DNAAF9: variants seen among roughly 807,000 people sequenced by gnomAD.
The protein encoded by DNAAF9 is dynein axonemal assembly factor 9.
In DNAAF9, 90 loss-of-function variants were observed where a neutral mutation model predicts 167.0. That is an observed-to-expected ratio of 0.54 (90% CI 0.45 to 0.64). The LOEUF (loss-of-function observed/expected upper bound fraction) is 0.64. DNAAF9 is among the 30% of genes least tolerant of loss of function. The pLI is 0.00. For synonymous variants in DNAAF9, 491 were observed against 508.8 expected (o/e 0.96, Z 0.47); for missense variants, 1,315 against 1,442.2 (o/e 0.91, Z 1.43).
chr20:3,289,339 G>A (rs1600713384), intron 26 of DNAAF9, among the ~76,000 whole-genome samples: 2 of 152,242 alleles, frequency 1.3e-5, no homozygotes, highest in Admixed American at 1.3e-4. Context: ...GCCTACTTGG[G>A]AGGGTCAGGT....
At position 3,252,517 on chromosome 20, in the gene DNAAF9, C is replaced by T. The variant is rs898280731; in HGVS notation, c.*55G>A. The stretch of plus-strand genomic sequence containing the variant: ...CCAGCAGAGCTGAGGTTAAGACACC[C>T]GTTCGTCCATCTCCAAGGTGGACAT... On this transcript the variant is annotated 3_prime_UTR_variant, in exon 37 of 37. Coordinates refer to ENST00000252032, the MANE Select transcript of DNAAF9 (RefSeq NM_001009984.3). The T allele has an allele frequency of 5.1e-5, 49 of 951,606 alleles. No individual in the cohort carries two copies. In the Middle Eastern group the frequency reaches 2.0e-3, roughly 39 times the overall value. The allele number at this position is 951,606 out of a possible 1,614,324, so 58.9% of individuals were successfully genotyped here.
chr20:3,342,453 G>C (rs554634686), intron 9 of DNAAF9, among the ~76,000 whole-genome samples: 1 of 152,182 alleles, frequency 6.6e-6, no homozygotes, highest in African/African-American at 2.4e-5. Flanking sequence ...AATCATATTT[G>C]CTTCCTTTTT....
intron 1 of DNAAF9, among the ~76,000 whole-genome samples, chr20:3,383,884 C>T (rs770671392): frequency 7.9e-5 from 12 of 151,858 alleles, no homozygotes; most frequent in South Asian, 4.2e-4. Context: ...CTGTAACCTC[C>T]GCCTCCTGGG....
intron 11 of DNAAF9, among the ~76,000 whole-genome samples, chr20:3,331,345 A>C (rs1282949609): frequency 6.6e-6 from 1 of 152,102 alleles, no homozygotes; most frequent in African/African-American, 2.4e-5. Context: ...TACCTGACCC[A>C]AGTTATGCTT....
chr20:3,366,370 AT>A (rs959314444), intron 6 of DNAAF9, among the ~76,000 whole-genome samples: 16 of 150,844 alleles, frequency 1.1e-4, no homozygotes, highest in African/African-American at 3.9e-4. Context: ...CTTGAAAGGA[AT>A]TTTTTTTTTC....
chr20:3,393,366 G>A (rs1228719325), intron 1 of DNAAF9, among the ~76,000 whole-genome samples: 2 of 151,718 alleles, frequency 1.3e-5, no homozygotes, highest in South Asian at 2.1e-4. Context: ...TTAGTTAGGC[G>A]TGGTGGTTAC....
At chr20:3,358,519 G>A (rs1197696168) in intron 7 of DNAAF9, among the ~76,000 whole-genome samples, 1 of 152,040 alleles carries the variant, frequency 6.6e-6, no homozygotes, top group African/African-American at 2.4e-5. Flanking sequence ...CCTGACCTCA[G>A]GTGATCCACC....
rs146715168 is a variant in DNAAF9, at chr20:3,330,930, T to C, written c.1064-248A>G. ...CCTCAGCCTCCTGAGTAGCTGGGAT[T>C]ACAGGTGCACGCCACCATGCCCCGC... On this transcript the variant is annotated intron_variant, in intron 11 of 36. Coordinates refer to ENST00000252032, the MANE Select transcript of DNAAF9 (RefSeq NM_001009984.3). Among the ~76,000 whole-genome samples the C allele has an allele frequency of 2.8e-3, 427 of 152,080 alleles. 2 individuals are homozygous for C. Among genetic ancestry groups the C allele is most frequent in the African/African-American group, 9.7e-3 (404 of 41,472 alleles).
chr20:3,296,264 G>C, intron 23 of DNAAF9: 1 of 420,656 alleles, frequency 2.4e-6, no homozygotes, highest in Non-Finnish European at 4.7e-6. Context: ...GTAAGACACT[G>C]GGCGCCCCCC....
At position 3,358,173 on chromosome 20, in the gene DNAAF9, G is replaced by A. The variant is rs530692701; in HGVS notation, c.690+1343C>T. Among the ~76,000 whole-genome samples the A allele has an allele frequency of 1.8e-4, 28 of 151,930 alleles. 1 individual carries two copies. Among genetic ancestry groups the A allele is most frequent in the African/African-American group, 6.3e-4 (26 of 41,444 alleles). On this transcript the variant is annotated intron_variant, in intron 7 of 36. Coordinates refer to ENST00000252032, the MANE Select transcript of DNAAF9 (RefSeq NM_001009984.3). ...ACTTTATCTGTACCTGGATGCCAAC[G>A]CATTTTATTGTTTTCTGGGGGGATT...
At chr20:3,283,047 G>A (rs1449894823) in intron 27 of DNAAF9, among the ~76,000 whole-genome samples, 1 of 152,212 alleles carries the variant, frequency 6.6e-6, no homozygotes, top group Non-Finnish European at 1.5e-5. Context: ...GCTGCCTAAA[G>A]CAGGGTAGGT....
Position 3,316,811 on chromosome 20 carries a change from A to T in DNAAF9, c.1469-18T>A. 6.3e-7 allele frequency: 1 copy of T among 1,598,824 alleles called. No homozygotes were observed. The highest frequency in any genetic ancestry group is 8.6e-7 in the Non-Finnish European group (1 of 1,168,404). The stretch of plus-strand genomic sequence containing the variant: ...AGTGCCATCTGCAGGAACACCACAC[A>T]CATGCCAGTTAATTCCCTACCAGCT... On this transcript the variant is annotated intron_variant, in intron 17 of 36. Coordinates refer to ENST00000252032, the MANE Select transcript of DNAAF9 (RefSeq NM_001009984.3).
At position 3,308,412 on chromosome 20, in the gene DNAAF9, T is replaced by A. The variant is rs6133028; in HGVS notation, c.1679-3869A>T. ...GGCTGGAGTGCAGTGGTGCCATCTC[T>A]GCTCACTGCAATCTCCGCCTCCCAG... On this transcript the variant is annotated intron_variant, in intron 20 of 36. Coordinates refer to ENST00000252032, the MANE Select transcript of DNAAF9 (RefSeq NM_001009984.3). Among the ~76,000 whole-genome samples the A allele has an allele frequency of 5.1e-4, 76 of 149,056 alleles. 2 individuals carry two copies. The East Asian group carries it at 0.014, about 27-fold the overall frequency.
Position 3,306,511 on chromosome 20 carries a change from T to C in DNAAF9, c.1679-1968A>G, listed in dbSNP as rs183051321. 1.2e-4 allele frequency among the ~76,000 whole-genome samples: 18 copies of C among 152,328 alleles called. 1 individual carries two copies. Among genetic ancestry groups the C allele is most frequent in the Admixed American group, 2.6e-4 (4 of 15,296 alleles). ...TTCACAATTGTAACAGGTGGTATTATTTTTTCTCATAGGACAGATGAGAAA... is the reference window on the plus strand; with the variant it reads ...TTCACAATTGTAACAGGTGGTATTACTTTTTCTCATAGGACAGATGAGAAA... On this transcript the variant is annotated intron_variant, in intron 20 of 36. Coordinates refer to ENST00000252032, the MANE Select transcript of DNAAF9 (RefSeq NM_001009984.3).
At chr20:3,300,678 A>AAATAATAATAAT (rs34199778) in intron 21 of DNAAF9, among the ~76,000 whole-genome samples, 4 of 134,084 alleles carry the variant, frequency 3.0e-5, no homozygotes, top group Admixed American at 7.8e-5. Context: ...GACTCCATCT[A>AAATAATAATAAT]AATAATAATA....
intron 22 of DNAAF9, 87 bp downstream of exon 22, chr20:3,297,942 G>T: frequency 9.5e-7 from 1 of 1,054,994 alleles, no homozygotes; most frequent in Non-Finnish European, 1.5e-6. Flanking sequence ...TCACTTCACT[G>T]TTAGCCCCAA....
Position 3,304,430 on chromosome 20 carries a change from A to G in DNAAF9, c.1782+10T>C, listed in dbSNP as rs2069251309. 2.4e-6 allele frequency: 3 copies of G among 1,275,200 alleles called. No individual in the cohort carries two copies. Among genetic ancestry groups the G allele is most frequent in the Non-Finnish European group, 2.3e-6 (2 of 872,270 alleles). The allele number at this position is 1,275,200 out of a possible 1,614,324, so 79.0% of individuals were successfully genotyped here. The stretch of plus-strand genomic sequence containing the variant: ...CGACCAAAAAAGCCACTGACTAGTA[A>G]AACACCTACCCCATCATAGAAGGAA... On this transcript the variant is annotated intron_variant, in intron 21 of 36. Coordinates refer to ENST00000252032, the MANE Select transcript of DNAAF9 (RefSeq NM_001009984.3).
intron 7 of DNAAF9, among the ~76,000 whole-genome samples, chr20:3,351,568 C>T (rs2070325347): frequency 6.6e-6 from 1 of 151,720 alleles, no homozygotes; most frequent in African/African-American, 2.4e-5. Flanking sequence ...GGCAGGGGGA[C>T]AAAGAGATAG....
intron 6 of DNAAF9, among the ~76,000 whole-genome samples, chr20:3,371,529 G>C (rs1330478153): frequency 1.3e-5 from 2 of 151,720 alleles, no homozygotes; most frequent in Non-Finnish European, 2.9e-5. Flanking sequence ...ATTTTTAGTA[G>C]AGACGGGGTT....
Sources: allele counts gnomAD v4.1 joint callset (sites outside exome capture counted in the v4.1 genomes callset), GRCh38; gene constraint gnomAD v4.1.1; transcripts MANE v1.5; gene names NCBI Gene and HGNC (gene_info 2026-07-23, HGNC 2026-07-21).